RRP12: variants seen among roughly 807,000 people sequenced by gnomAD.
The protein encoded by RRP12 is RRP12-like protein.
In RRP12, 78 loss-of-function variants were observed where a neutral mutation model predicts 157.3. The ratio of observed to expected loss-of-function variants is 0.50; its 90% CI spans 0.41 to 0.60. The LOEUF is 0.60. Among genes scored for constraint, RRP12 ranks in the 20% least tolerant of loss-of-function variants. The probability of loss-of-function intolerance (pLI) is 0.00; values close to 1 mark genes in which losing one functional copy is unlikely to be tolerated. For synonymous variants in RRP12, 726 were observed against 670.9 expected (o/e 1.08, Z -1.27); for missense variants, 1,521 against 1,679.9 (o/e 0.91, Z 1.65).
intron 4 of RRP12, chr10:97,393,425 G>C: frequency 1.6e-6 from 1 of 623,786 alleles, no homozygotes; most frequent in South Asian, 1.4e-5. Flanking sequence ...TGAAGATTTT[G>C]GTGCTTTCCC....
At chr10:97,363,119 C>T (rs2135001380) in intron 30 of RRP12, among the ~76,000 whole-genome samples, 1 of 152,316 alleles carries the variant, frequency 6.6e-6, no homozygotes, top group South Asian at 2.1e-4. Context: ...CTGATGTAGG[C>T]TCTGTCACCT....
rs1468712783 is a variant in RRP12, at chr10:97,388,283, G to C, written c.986C>G (p.Thr329Ser). The change falls in exon 8 of 34, where the codon ACT becomes AGT. Residue 329 changes from threonine (T) to serine (S), a missense_variant. Transcript: ENST00000370992. ...GCTCAAGGTCATGACCCTGAGGAGA[G>C]TCTCACTGCAGCTCTTCACCAGGCC... is the stretch of plus-strand genomic sequence containing the variant. ...PEGLVKSCSE[T>S]LLRVMTLSHV... is the part of the protein sequence containing the mutation. 6.2e-7 allele frequency: 1 copy of C among 1,613,966 alleles called. No homozygotes were observed. The highest frequency in any genetic ancestry group is 2.2e-5 in the East Asian group (1 of 44,892).
chr10:97,358,826 C>A, intron 32 of RRP12, 117 bp downstream of exon 32: 1 of 885,792 alleles, frequency 1.1e-6, no homozygotes, highest in Non-Finnish European at 1.8e-6. Flanking sequence ...TCTTTCCTGG[C>A]CTCAGTTGAG....
In RRP12 at chr10:97,400,361, C is replaced by T. The variant is rs762785690; in HGVS notation, c.313G>A (p.Val105Ile). ...AAGCGCTGTACTTTGCTGAAGGTGA[C>T]GTTTGTGCAGTCGGAAAGGCCACTC... ...FLSGLSDCTN[V>I]TFSKVQRFWE... Residue 105 changes from valine to isoleucine, a missense_variant, in exon 2 of 34, where the codon GTC becomes ATC. Transcript: ENST00000370992. The T allele has an allele frequency of 6.2e-7, 1 of 1,613,690 alleles. No homozygotes were observed. The highest frequency in any genetic ancestry group is 1.7e-5 in the Admixed American group (1 of 59,942).
intron 15 of RRP12, among the ~76,000 whole-genome samples, chr10:97,377,293 G>C (rs897379100): frequency 2.0e-5 from 3 of 150,440 alleles, no homozygotes; most frequent in African/African-American, 7.3e-5. Flanking sequence ...GAGGCAGGTA[G>C]ATTTTCTGAG....
intron 8 of RRP12, among the ~76,000 whole-genome samples, chr10:97,387,322 T>C (rs962982753): frequency 2.5e-4 from 38 of 151,696 alleles, no homozygotes; most frequent in Admixed American, 2.0e-3. Context: ...TTCTTTCCTT[T>C]TTTTTCTTTT....
chr10:97,381,809 C>T lies in RRP12; in HGVS notation c.1226G>A (p.Gly409Glu). 1.2e-6 allele frequency: 2 copies of T among 1,613,922 alleles called. No individual in the cohort carries two copies. Among genetic ancestry groups the T allele is most frequent in the Non-Finnish European group, 1.7e-6 (2 of 1,179,868 alleles). ...INLVRLQWDL[G>E]LGHLPRFFGT... ...AAAAAAGCGAGGGAGGTGGCCTAGC[C>T]CCAGGTCCCACTGCAACCTGTCAAG... The change falls in exon 11 of 34, where the codon GGG becomes GAG. Residue 409 changes from glycine (G) to glutamate (E), a missense_variant. Gly to Glu is a moderately conservative substitution (Grantham distance 98). Coordinates refer to ENST00000370992, the MANE Select transcript of RRP12 (RefSeq NM_015179.4).
At chr10:97,372,679 G>T in intron 19 of RRP12, 57 bp downstream of exon 19, 1 of 1,378,742 alleles carries the variant, frequency 7.3e-7, no homozygotes, top group Non-Finnish European at 1.0e-6. Flanking sequence ...TCTGCCAGAT[G>T]CACCCTCCAG....
At chr10:97,371,304 C>A in intron 20 of RRP12, 1 of 598,714 alleles carries the variant, frequency 1.7e-6, no homozygotes, top group Non-Finnish European at 3.0e-6. Context: ...CTCCACTCAC[C>A]CAGCTCTGGA....
intron 10 of RRP12, among the ~76,000 whole-genome samples, chr10:97,382,735 G>A (rs1844505440): frequency 6.6e-6 from 1 of 151,380 alleles, no homozygotes; most frequent in Admixed American, 6.6e-5. Flanking sequence ...TTCCATATAA[G>A]TGCACATACA....
intron 30 of RRP12, among the ~76,000 whole-genome samples, chr10:97,363,266 A>AC (rs1352661662): frequency 6.6e-6 from 1 of 152,044 alleles, no homozygotes; most frequent in African/African-American, 2.4e-5. Flanking sequence ...GGCCCACTTC[A>AC]CCCTTGTTGG....
intron 16 of RRP12, 39 bp from the exon 17 acceptor site, chr10:97,373,776 G>C: frequency 1.2e-6 from 2 of 1,613,128 alleles, no homozygotes; most frequent in South Asian, 1.1e-5. Context: ...GTGACACGCA[G>C]CCACCTGTGC....
chr10:97,365,272 G>GTTT (rs34050240), intron 29 of RRP12, among the ~76,000 whole-genome samples: 6 of 118,468 alleles, frequency 5.1e-5, no homozygotes, highest in African/African-American at 6.2e-5. Flanking sequence ...AGACCTAGGT[G>GTTT]TTTTTTTTTT....
At chr10:97,380,657 C>G in intron 13 of RRP12, 142 bp downstream of exon 13, 1 of 645,642 alleles carries the variant, frequency 1.5e-6, no homozygotes, top group East Asian at 2.8e-5. Flanking sequence ...CCAGGGGATA[C>G]TGCATGGGGC....
At chr10:97,390,603 TCTCA>T (rs1844776139) in intron 5 of RRP12, 64 bp from the exon 6 acceptor site, 1 of 1,411,890 alleles carries the variant, frequency 7.1e-7, no homozygotes, top group Non-Finnish European at 1.0e-6. Flanking sequence ...GAGCCCAGGT[TCTCA>T]CTGACTCCAG....
chr10:97,369,418 C>T lies in RRP12; in HGVS notation c.2955+7G>A, dbSNP rs1844075504. On this transcript the variant is annotated splice_region_variant and intron_variant, in intron 25 of 33. Coordinates refer to ENST00000370992, the MANE Select transcript of RRP12 (RefSeq NM_015179.4). ...TGCTACCTGCTAAGGGGAACGGGGA[C>T]ACTCACCACCAGCTGCACATGTTTG... 1.1e-5 allele frequency: 18 copies of T among 1,610,910 alleles called. No homozygotes were observed. Among genetic ancestry groups the T allele is most frequent in the Non-Finnish European group, 1.4e-5 (17 of 1,178,890 alleles).
intron 9 of RRP12, among the ~76,000 whole-genome samples, chr10:97,385,561 T>C (rs1024945067): frequency 6.6e-6 from 1 of 152,084 alleles, no homozygotes; most frequent in Non-Finnish European, 1.5e-5. Context: ...TGCTAACAAT[T>C]TGGGGGATCT....
intron 4 of RRP12, 69 bp downstream of exon 4, chr10:97,393,615 T>G: frequency 8.4e-7 from 1 of 1,184,100 alleles, no homozygotes; most frequent in East Asian, 2.3e-5. Context: ...CTGATCCTGT[T>G]TCTCCTGTCC....
At position 97,357,114 on chromosome 10, in the gene RRP12, T is replaced by G. The variant is rs1182358976; in HGVS notation, c.3874A>C (p.Arg1292=). The change falls in exon 34 of 34, where the codon AGA becomes CGA. Residue 1292 remains arginine, a synonymous_variant. Coordinates refer to ENST00000370992, the MANE Select transcript of RRP12 (RefSeq NM_015179.4). ...GGGCCTCAGGGTCGACGATCCTTTCTGCGGTTTTTGTGTCCCACCTGGGAA... is the reference window on the plus strand; with the variant it reads ...GGGCCTCAGGGTCGACGATCCTTTCGGCGGTTTTTGTGTCCCACCTGGGAA... ...RGSQVGHKNR[R]KDRRP is the part of the protein sequence containing the mutation. The G allele has an allele frequency of 2.5e-6, 4 of 1,612,678 alleles. No individual in the cohort carries two copies. The highest frequency in any genetic ancestry group is 2.5e-6 in the Non-Finnish European group (3 of 1,178,802).
Sources: gnomAD v4.1 joint callset for allele counts (sites outside exome capture counted in the v4.1 genomes callset) on GRCh38, gnomAD v4.1.1 for gene constraint, MANE v1.5 for transcripts, NCBI Gene and HGNC (gene_info 2026-07-23, HGNC 2026-07-21) for gene names.